ELAPOR2: variants seen among roughly 807,000 people sequenced by gnomAD.
The protein encoded by ELAPOR2 is endosome/lysosome-associated apoptosis and autophagy regulator family member 2.
Under a neutral mutation model 120.7 loss-of-function variants are expected in ELAPOR2, and 89 were observed. That is an observed-to-expected ratio of 0.74 (90% confidence interval 0.62 to 0.88). The LOEUF (loss-of-function observed/expected upper bound fraction) is 0.88. Ranked by LOEUF, ELAPOR2 falls within the 40% of genes least tolerant of loss-of-function variation. ELAPOR2 has a pLI of 0.00. For synonymous variants in ELAPOR2, 444 were observed against 444.9 expected (o/e 1.00, Z 0.03); for missense variants, 1,134 against 1,251.6 (o/e 0.91, Z 1.42).
At chr7:87,022,186 G>C (rs564932426) in intron 1 of ELAPOR2, among the ~76,000 whole-genome samples, 2 of 151,352 alleles carry the variant, frequency 1.3e-5, no homozygotes, top group Admixed American at 1.3e-4. Context: ...CAATTAACTC[G>C]TCATTTAACA....
intron 1 of ELAPOR2, among the ~76,000 whole-genome samples, chr7:86,977,158 A>G (rs1031737905): frequency 6.6e-6 from 1 of 152,204 alleles, no homozygotes; most frequent in Non-Finnish European, 1.5e-5. Flanking sequence ...TCATTGTGCT[A>G]AGTTCACAAT....
intron 13 of ELAPOR2, among the ~76,000 whole-genome samples, 187 bp from the exon 14 acceptor site, chr7:86,913,391 GA>G (rs1789415058): frequency 6.6e-6 from 1 of 152,094 alleles, no homozygotes; most frequent in Non-Finnish European, 1.5e-5. Context: ...CTTGATACTA[GA>G]AACTAATTTC....
intron 12 of ELAPOR2, among the ~76,000 whole-genome samples, chr7:86,915,069 A>G (rs1040692020): frequency 6.6e-6 from 1 of 152,068 alleles, no homozygotes; most frequent in Non-Finnish European, 1.5e-5. Flanking sequence ...TATCAACCAC[A>G]TTGTTCATAT....
intron 1 of ELAPOR2, among the ~76,000 whole-genome samples, chr7:87,036,934 A>G (rs1794607706): frequency 6.6e-6 from 1 of 152,164 alleles, no homozygotes; most frequent in Admixed American, 6.5e-5. Context: ...TAAAAGTTGA[A>G]AAATTAAAAT....
rs1316761337 is a variant in ELAPOR2, at chr7:87,052,771, GTTTTC to G, written c.189+6549_189+6553del. Among the ~76,000 whole-genome samples, 535 of 140,244 alleles carry G rather than the reference GTTTTC, an allele frequency of 3.8e-3. 2 individuals are homozygous for G. The highest frequency in any genetic ancestry group is 0.014 in the African/African-American group (512 of 35,988). The allele number at this position is 140,244 out of a possible 152,430, so 92.0% of individuals were successfully genotyped here. A position where few individuals can be genotyped will look rare whatever the true frequency, so the allele number is the denominator to read the frequency against. On this transcript the variant is annotated intron_variant, in intron 1 of 21. Transcript: ENST00000450689. Reference sequence around the variant, plus strand: ...TCAGTATATTCTGATCACAGGGTTTGTTTTCTTTTGTTTTGTTTTGTTTTGTTTTG... The same window carrying G: ...TCAGTATATTCTGATCACAGGGTTTGTTTTGTTTTGTTTTGTTTTGTTTTG...
chr7:86,953,898 A>C (rs1032863384), intron 2 of ELAPOR2, among the ~76,000 whole-genome samples: 2 of 152,204 alleles, frequency 1.3e-5, no homozygotes, highest in Non-Finnish European at 2.9e-5. Flanking sequence ...TTAAAAACCC[A>C]ACATCTTGAA....
Position 86,897,634 on chromosome 7 carries a change from T to C in ELAPOR2, c.2559-2A>G. 6.2e-7 allele frequency: 1 copy of C among 1,612,796 alleles called. No individual in the cohort carries two copies. The highest frequency in any genetic ancestry group is 8.5e-7 in the Non-Finnish European group (1 of 1,179,264). ...TCACAGGTACCTGCTGGGCACTTGC[T>C]AAAATCATAAACAAAACCAAAAACA... On this transcript the variant is annotated splice_acceptor_variant, in intron 18 of 21. Coordinates refer to ENST00000450689, the MANE Select transcript of ELAPOR2 (RefSeq NM_001142749.3). LOFTEE classifies it high-confidence loss of function.
intron 1 of ELAPOR2, among the ~76,000 whole-genome samples, chr7:87,036,649 G>A (rs77557680): frequency 6.6e-6 from 1 of 152,170 alleles, no homozygotes; most frequent in African/African-American, 2.4e-5. Flanking sequence ...GGATGTAGCT[G>A]GAGGCTATTT....
At chr7:86,919,378 T>C in intron 10 of ELAPOR2, 68 bp from the exon 11 acceptor site, 1 of 914,912 alleles carries the variant, frequency 1.1e-6, no homozygotes, top group Non-Finnish European at 1.7e-6. Context: ...TCTGTTTAAA[T>C]AAGGTAAAAA....
Position 86,951,466 on chromosome 7 carries a change from G to C in ELAPOR2, c.311-3544C>G, listed in dbSNP as rs532882142. On this transcript the variant is annotated intron_variant, in intron 2 of 21. Transcript: ENST00000450689. ...ATGATGCCATTTTGGAATGTTCACT[G>C]CCCTGTTAATTAAAATCATAAAGAA... 7.2e-5 allele frequency among the ~76,000 whole-genome samples: 11 copies of C among 152,306 alleles called. No homozygotes were observed. In the East Asian group the frequency reaches 2.1e-3, roughly 29 times the overall value.
intron 1 of ELAPOR2, among the ~76,000 whole-genome samples, chr7:87,043,527 T>G (rs1423124198): frequency 2.7e-5 from 4 of 150,798 alleles, no homozygotes; most frequent in Non-Finnish European, 5.9e-5. Flanking sequence ...ATTATCTCAA[T>G]AGATGCAGAA....
At chr7:87,047,871 G>A (rs1794998606) in intron 1 of ELAPOR2, among the ~76,000 whole-genome samples, 1 of 152,206 alleles carries the variant, frequency 6.6e-6, no homozygotes, top group African/African-American at 2.4e-5. Flanking sequence ...TATCTGCATT[G>A]TGACGTTTGT....
intron 10 of ELAPOR2, among the ~76,000 whole-genome samples, chr7:86,924,891 A>T (rs1165025202): frequency 2.0e-5 from 3 of 152,098 alleles, no homozygotes; most frequent in Non-Finnish European, 4.4e-5. Flanking sequence ...ATTTTAGTGT[A>T]AAGGTCTGGT....
intron 1 of ELAPOR2, among the ~76,000 whole-genome samples, chr7:87,039,974 G>A (rs975215655): frequency 6.6e-6 from 1 of 152,230 alleles, no homozygotes; most frequent in African/African-American, 2.4e-5. Flanking sequence ...CAAGGGGTCA[G>A]GGAGTTCCCT....
At chr7:86,975,052 A>G (rs1792236720) in intron 1 of ELAPOR2, among the ~76,000 whole-genome samples, 1 of 152,206 alleles carries the variant, frequency 6.6e-6, no homozygotes, top group Non-Finnish European at 1.5e-5. Flanking sequence ...AGAGTGGATA[A>G]AGAAAAGTGG....
chr7:87,002,124 T>G (rs566571028), intron 1 of ELAPOR2, among the ~76,000 whole-genome samples: 2 of 152,320 alleles, frequency 1.3e-5, no homozygotes, highest in South Asian at 4.1e-4. Flanking sequence ...AACTTTAACT[T>G]GCCAATTAGA....
At chr7:87,045,732 CAT>C (rs921067522) in intron 1 of ELAPOR2, among the ~76,000 whole-genome samples, 2 of 151,346 alleles carry the variant, frequency 1.3e-5, no homozygotes, top group Admixed American at 6.6e-5. Context: ...ACAATGTGCA[CAT>C]GTACCCTAAA....
chr7:87,002,158 T>A (rs796616416), intron 1 of ELAPOR2, among the ~76,000 whole-genome samples: 1 of 152,160 alleles, frequency 6.6e-6, no homozygotes, highest in Non-Finnish European at 1.5e-5. Flanking sequence ...AAACCAATAA[T>A]GTTCCTAGCC....
chr7:87,011,150 C>A (rs1793645995), intron 1 of ELAPOR2, among the ~76,000 whole-genome samples: 1 of 150,964 alleles, frequency 6.6e-6, no homozygotes, highest in Admixed American at 6.6e-5. Flanking sequence ...TGCCTGTAGT[C>A]CCAGCTACTC....
Sources: allele counts gnomAD v4.1 joint callset (sites outside exome capture counted in the v4.1 genomes callset), GRCh38; gene constraint gnomAD v4.1.1; transcripts MANE v1.5; gene names NCBI Gene and HGNC (gene_info 2026-07-23, HGNC 2026-07-21).